Variants in NAALADL2 observed in about 807,000 individuals in gnomAD.
NAALADL2 encodes the protein N-acetylated alpha-linked acidic dipeptidase like 2.
NAALADL2 carries 76 observed loss-of-function variants against 87.2 expected under a neutral mutation model. The observed-to-expected ratio is 0.87, with a 90% CI of 0.72 to 1.05. NAALADL2 has a LOEUF of 1.05. Ranked by LOEUF, NAALADL2 falls within the 50% of genes least tolerant of loss-of-function variation. NAALADL2 has a pLI of 0.00. For missense variants in NAALADL2, 1,089 were observed against 945.8 expected (o/e 1.15, Z -1.99); for synonymous variants, 354 against 331.0 (o/e 1.07, Z -0.75).
chr3:174,813,501 CAG>C (rs1720449149), intron 3 of NAALADL2, among the ~76,000 whole-genome samples: 1 of 152,138 alleles, frequency 6.6e-6, no homozygotes, highest in Admixed American at 6.6e-5. Flanking sequence ...AGCCTAGGAA[CAG>C]TAGGTTATAC....
chr3:175,568,805 CT>C (rs1473257622), intron 9 of NAALADL2, among the ~76,000 whole-genome samples: 2 of 152,254 alleles, frequency 1.3e-5, no homozygotes, highest in East Asian at 3.9e-4. Context: ...AATATATAGG[CT>C]TTTTAAAATT....
intron 11 of NAALADL2, among the ~76,000 whole-genome samples, chr3:175,731,180 A>G (rs1743690354): frequency 6.6e-6 from 1 of 152,152 alleles, no homozygotes; most frequent in South Asian, 2.1e-4. Flanking sequence ...AGGCCTTCAA[A>G]TCAATGACAC....
At position 175,235,007 on chromosome 3, in the gene NAALADL2, C is replaced by A. The variant is rs1454838789; in HGVS notation, c.819+803C>A. 4.6e-5 allele frequency: 7 copies of A among 151,494 alleles called. No individual in the cohort carries two copies. The East Asian group carries it at 1.4e-3, about 29-fold the overall frequency. The allele number at this position is 151,494 out of a possible 1,614,324, so 9.4% of individuals were successfully genotyped here. On this transcript the variant is annotated intron_variant, in intron 3 of 13. Coordinates refer to ENST00000454872, the MANE Select transcript of NAALADL2 (RefSeq NM_207015.3). ...GTGTAATTGGTCAACAGTTTCCTTT[C>A]TATGGACTAGTTTTCTAACTCTATG...
chr3:174,891,937 C>G (rs1010056246), intron 1 of NAALADL2, among the ~76,000 whole-genome samples: 23 of 152,054 alleles, frequency 1.5e-4, no homozygotes, highest in African/African-American at 5.3e-4. Context: ...GTAGGGAGGA[C>G]TTTGTCCTGC....
At chr3:174,904,774 CAAT>C (rs903591311) in intron 1 of NAALADL2, among the ~76,000 whole-genome samples, 17 of 151,854 alleles carry the variant, frequency 1.1e-4, no homozygotes, top group Admixed American at 7.2e-4. Context: ...TAGCTTGAGG[CAAT>C]AATTCACTCA....
chr3:175,343,655 G>GTTTTTTTCTTTTTTTTTTTTTTTTTTTTT (rs1762799203), intron 5 of NAALADL2, among the ~76,000 whole-genome samples: 1 of 64,726 alleles, frequency 1.5e-5, no homozygotes, highest in Non-Finnish European at 3.3e-5. Context: ...TCTTGATCAT[G>GTTTTTTTCTTTTTTTTTTTTTTTTTTTTT]TTTTTTTTTT....
intron 2 of NAALADL2, among the ~76,000 whole-genome samples, chr3:175,132,112 T>C (rs1451918374): frequency 3.5e-4 from 35 of 99,134 alleles, no homozygotes; most frequent in Admixed American, 6.9e-4. Context: ...CCCGCCCGGA[T>C]GGGGCGGCTG....
chr3:175,459,806 T>G (rs1369649537), intron 6 of NAALADL2, among the ~76,000 whole-genome samples: 1 of 152,158 alleles, frequency 6.6e-6, no homozygotes, highest in Non-Finnish European at 1.5e-5. Flanking sequence ...GAAGGCCTGC[T>G]AAACCCAATT....
intron 2 of NAALADL2, among the ~76,000 whole-genome samples, chr3:174,732,278 A>C (rs1463102901): frequency 6.6e-6 from 1 of 152,162 alleles, no homozygotes; most frequent in Non-Finnish European, 1.5e-5. Context: ...AGAGAAATGA[A>C]ATGCTTAGGC....
At chr3:175,320,743 G>A (rs1481388865) in intron 4 of NAALADL2, among the ~76,000 whole-genome samples, 1 of 152,044 alleles carries the variant, frequency 6.6e-6, no homozygotes, top group Non-Finnish European at 1.5e-5. Flanking sequence ...TAGAAGAAAT[G>A]GATAAATTCC....
intron 11 of NAALADL2, among the ~76,000 whole-genome samples, chr3:175,662,871 G>A (rs1245137563): frequency 2.0e-5 from 3 of 151,870 alleles, no homozygotes; most frequent in African/African-American, 7.2e-5. Flanking sequence ...AATTTTTAAT[G>A]TGTTGTTGAA....
chr3:174,530,610 A>C (rs2108439500), intron 1 of NAALADL2, among the ~76,000 whole-genome samples: 1 of 152,356 alleles, frequency 6.6e-6, no homozygotes, highest in East Asian at 1.9e-4. Context: ...GGGAGGCCTC[A>C]CAATCACAGC....
At chr3:174,632,371 C>T (rs907827455) in intron 2 of NAALADL2, among the ~76,000 whole-genome samples, 3 of 152,098 alleles carry the variant, frequency 2.0e-5, no homozygotes, top group Non-Finnish European at 4.4e-5. Flanking sequence ...GTCATGCCCT[C>T]ACGTTGATTA....
chr3:175,807,793 A>G lies in NAALADL2; in HGVS notation c.*4590A>G, dbSNP rs1452719782. 2 of 151,958 alleles carry G rather than the reference A, an allele frequency of 1.3e-5. No individual in the cohort carries two copies. The highest frequency in any genetic ancestry group is 2.9e-5 in the Non-Finnish European group (2 of 67,912). 9.4% of individuals were successfully genotyped at this position (151,958 alleles called of 1,614,324 possible). ...ATGAGTTTAAATTGCCAACTTAAAAAAGCCTCATTAGAATTTGCTATTCGA... is the reference window on the plus strand; with the variant it reads ...ATGAGTTTAAATTGCCAACTTAAAAGAGCCTCATTAGAATTTGCTATTCGA... On this transcript the variant is annotated 3_prime_UTR_variant, in exon 14 of 14. Transcript: ENST00000454872.
intron 2 of NAALADL2, among the ~76,000 whole-genome samples, chr3:174,596,641 C>A (rs1717939047): frequency 6.6e-6 from 1 of 152,172 alleles, no homozygotes; most frequent in Non-Finnish European, 1.5e-5. Flanking sequence ...TTGAGTTCCT[C>A]TTTTACTTCC....
chr3:175,403,084 T>C (rs1711636717), intron 5 of NAALADL2, among the ~76,000 whole-genome samples: 1 of 152,084 alleles, frequency 6.6e-6, no homozygotes, highest in South Asian at 2.1e-4. Context: ...GATGTGTGTG[T>C]GTCCTCAGAA....
intron 5 of NAALADL2, among the ~76,000 whole-genome samples, chr3:175,355,020 A>G (rs923075526): frequency 1.8e-4 from 18 of 100,660 alleles, no homozygotes; most frequent in African/African-American, 6.8e-4. Flanking sequence ...TGCTATATAT[A>G]TATGTGTGTG....
At chr3:175,774,758 G>A (rs1305133162) in intron 13 of NAALADL2, among the ~76,000 whole-genome samples, 1 of 151,902 alleles carries the variant, frequency 6.6e-6, no homozygotes, top group Non-Finnish European at 1.5e-5. Context: ...AGTATAAAGT[G>A]TGCATTTGAT....
rs1754513305 is a variant in NAALADL2 at position 175,804,312 on chromosome 3, T to TCTAGAAAATATTCATGCTTCTAAGTTTC, written c.*1110_*1137dup. Reference sequence around the variant, plus strand: ...TCCTTAATTGTGACTAAGATGGAAATCTAGAAAATATTCATGCTTCTAAGT... The same window carrying TCTAGAAAATATTCATGCTTCTAAGTTTC: ...TCCTTAATTGTGACTAAGATGGAAATCTAGAAAATATTCATGCTTCTAAGTTTCCTAGAAAATATTCATGCTTCTAAGT... On this transcript the variant is annotated 3_prime_UTR_variant, in exon 14 of 14. Transcript: ENST00000454872. The TCTAGAAAATATTCATGCTTCTAAGTTTC allele has an allele frequency of 2.0e-5, 3 of 151,998 alleles. No individual in the cohort carries two copies. The East Asian group carries it at 5.8e-4, about 29-fold the overall frequency. 9.4% of individuals were successfully genotyped at this position (151,998 alleles called of 1,614,324 possible). A position where few individuals can be genotyped will look rare whatever the true frequency, so the allele number is the denominator to read the frequency against.
Sources: gnomAD v4.1 joint callset for allele counts (sites outside exome capture counted in the v4.1 genomes callset) on GRCh38, gnomAD v4.1.1 for gene constraint, MANE v1.5 for transcripts, NCBI Gene and HGNC (gene_info 2026-07-23, HGNC 2026-07-21) for gene names.